Variants in SMARCAL1 observed in about 807,000 individuals in gnomAD.
SMARCAL1 encodes the protein ATP-driven annealing helicase.
Under a neutral mutation model 94.5 loss-of-function variants are expected in SMARCAL1, and 58 were observed. The ratio of observed to expected loss-of-function variants is 0.61; its 90% CI spans 0.50 to 0.76. The LOEUF is 0.76. Ranked by LOEUF, SMARCAL1 falls within the 30% of genes least tolerant of loss-of-function variation. The probability of loss-of-function intolerance (pLI) is 0.00; values close to 1 mark genes in which losing one functional copy is unlikely to be tolerated. For missense variants in SMARCAL1, 1,051 were observed against 1,177.9 expected, an observed-to-expected ratio of 0.89 and a Z score of 1.58; for synonymous variants, 422 against 455.1, an observed-to-expected ratio of 0.93 and a Z score of 0.93.
rs774538893 is a variant in SMARCAL1, at chr2:216,414,865, C to T, written c.161C>T (p.Ser54Phe). 5 of 1,614,200 alleles carry T rather than the reference C, an allele frequency of 3.1e-6. No homozygotes were observed. The South Asian group carries it at 5.5e-5, about 18-fold the overall frequency. ...CCATTCCAGGCCAAGCAAGGCCCAT[C>T]CCAAAATTTCCCAAGGGAGTCTTGT... is the stretch of plus-strand genomic sequence containing the variant. ...GNPFQAKQGP[S>F]QNFPRESCKP... Residue 54 changes from serine to phenylalanine, a missense_variant, in exon 3 of 18, where the codon TCC becomes TTC. Around this residue, in one of 3 missense-constraint regions of SMARCAL1, gnomAD observed 398 missense variants for 395.2 expected, o/e 1.01. Transcript: ENST00000357276.
At chr2:216,453,350 A>G (rs561108989) in intron 12 of SMARCAL1, among the ~76,000 whole-genome samples, 1 of 152,380 alleles carries the variant, frequency 6.6e-6, no homozygotes, top group Non-Finnish European at 1.5e-5. Flanking sequence ...TCAGATAATA[A>G]TTCCTTAAGA....
intron 7 of SMARCAL1, among the ~76,000 whole-genome samples, chr2:216,430,010 C>G (rs965030208): frequency 6.6e-6 from 1 of 152,124 alleles, no homozygotes; most frequent in Non-Finnish European, 1.5e-5. Flanking sequence ...CCCAGCCCCA[C>G]CCCCTGGGCA....
At chr2:216,451,187 C>G in intron 12 of SMARCAL1, 123 bp downstream of exon 12, 1 of 820,464 alleles carries the variant, frequency 1.2e-6, no homozygotes, top group Non-Finnish European at 2.1e-6. Context: ...TTCCCTCTTC[C>G]CTAGGCAAGA....
In SMARCAL1 at chr2:216,434,851, A is replaced by ATTT. The variant is rs11408208; in HGVS notation, c.1486-469_1486-467dup. Among the ~76,000 whole-genome samples, 117 of 117,358 alleles carry ATTT rather than the reference A, an allele frequency of 1.0e-3. 6 individuals carry two copies. Among genetic ancestry groups the ATTT allele is most frequent in the Middle Eastern group, 4.8e-3 (1 of 208 alleles). 77.0% of individuals were successfully genotyped at this position (117,358 alleles called of 152,430 possible). ...CAAAGTGAGACCAACACAACTCTCT[A>ATTT]TTTTTTTTTTTTTTTTTTTTCTGAG... On this transcript the variant is annotated intron_variant, in intron 8 of 17. Transcript: ENST00000357276.
intron 12 of SMARCAL1, among the ~76,000 whole-genome samples, chr2:216,459,461 A>G (rs962537383): frequency 1.3e-5 from 2 of 152,254 alleles, no homozygotes; most frequent in African/African-American, 4.8e-5. Flanking sequence ...TAACCAAAAC[A>G]GCATGGTACT....
intron 7 of SMARCAL1, among the ~76,000 whole-genome samples, chr2:216,430,826 G>A (rs1035939979): frequency 6.6e-6 from 1 of 152,184 alleles, no homozygotes. Context: ...TGTCCTCGCT[G>A]GCCACCAATT....
chr2:216,464,396 C>T (rs139645829), intron 12 of SMARCAL1, among the ~76,000 whole-genome samples: 1 of 152,130 alleles, frequency 6.6e-6, no homozygotes. Flanking sequence ...GCTCTAATGC[C>T]GTCTCTGAGG....
At chr2:216,444,493 G>A (rs1380642772) in intron 10 of SMARCAL1, among the ~76,000 whole-genome samples, 3 of 151,728 alleles carry the variant, frequency 2.0e-5, no homozygotes, top group Admixed American at 2.0e-4. Flanking sequence ...ACATTCTCTT[G>A]GCTCTTAATT....
intron 5 of SMARCAL1, 49 bp from the exon 6 acceptor site, chr2:216,423,584 G>A: frequency 6.9e-7 from 1 of 1,451,886 alleles, no homozygotes; most frequent in Non-Finnish European, 9.7e-7. Flanking sequence ...TGATCACGTA[G>A]CAGAAGGGCA....
intron 6 of SMARCAL1, among the ~76,000 whole-genome samples, chr2:216,426,815 C>T (rs1409298501): frequency 6.6e-6 from 1 of 152,214 alleles, no homozygotes; most frequent in Non-Finnish European, 1.5e-5. Context: ...CACCTCCTTC[C>T]TCACCCCATG....
chr2:216,471,023 T>C (rs1694954804), intron 14 of SMARCAL1, among the ~76,000 whole-genome samples: 1 of 152,078 alleles, frequency 6.6e-6, no homozygotes. Flanking sequence ...ATAGAATACA[T>C]GGCCCTTTAC....
Position 216,475,470 on chromosome 2 carries a change from T to C in SMARCAL1, c.2427+19T>C. ...CCCAGGGGTAAGAGACGCAGAAGAC[T>C]CAGATACTCCCCAGGCATGCTCATG... On this transcript the variant is annotated intron_variant, in intron 15 of 17. Transcript: ENST00000357276. The surrounding 1 kb of genome is among the most constrained non-coding windows in gnomAD (Gnocchi z 4.4). 6.2e-7 allele frequency: 1 copy of C among 1,613,278 alleles called. No individual in the cohort carries two copies. Among genetic ancestry groups the C allele is most frequent in the Non-Finnish European group, 8.5e-7 (1 of 1,179,250 alleles).
intron 12 of SMARCAL1, among the ~76,000 whole-genome samples, chr2:216,461,203 A>G (rs911123277): frequency 2.0e-5 from 3 of 151,998 alleles, no homozygotes; most frequent in Non-Finnish European, 4.4e-5. Flanking sequence ...AATTTCCTAT[A>G]GTGCACATGT....
intron 4 of SMARCAL1, among the ~76,000 whole-genome samples, chr2:216,417,064 G>C (rs539956875): frequency 6.6e-6 from 1 of 152,092 alleles, no homozygotes; most frequent in Non-Finnish European, 1.5e-5. Context: ...TTTCTACACC[G>C]TCTCTTCCTC....
intron 4 of SMARCAL1, among the ~76,000 whole-genome samples, chr2:216,419,848 A>G (rs1693675382): frequency 6.6e-6 from 1 of 151,782 alleles, no homozygotes; most frequent in Admixed American, 6.6e-5. Flanking sequence ...TGGGCAACAT[A>G]GCGAAACCCT....
chr2:216,456,881 T>A lies in SMARCAL1; in HGVS notation c.2070+5817T>A, dbSNP rs140688240. 3.3e-3 allele frequency among the ~76,000 whole-genome samples: 507 copies of A among 152,316 alleles called. 2 individuals are homozygous for A. Among genetic ancestry groups the A allele is most frequent in the African/African-American group, 0.012 (484 of 41,562 alleles). On this transcript the variant is annotated intron_variant, in intron 12 of 17. Transcript: ENST00000357276. ...AATGTAGATGGGCTAAATGCTCCAATTGAAAGACACAGACTGGCAAATTGG... is the reference window on the plus strand; with the variant it reads ...AATGTAGATGGGCTAAATGCTCCAAATGAAAGACACAGACTGGCAAATTGG...
At chr2:216,474,081 C>A (rs1483308347) in intron 14 of SMARCAL1, among the ~76,000 whole-genome samples, 1 of 150,188 alleles carries the variant, frequency 6.7e-6, no homozygotes, top group Non-Finnish European at 1.5e-5. Context: ...AAGGCCCATT[C>A]CAAAAGGTTA....
chr2:216,468,887 A>G (rs902997796), intron 14 of SMARCAL1, among the ~76,000 whole-genome samples: 1 of 151,968 alleles, frequency 6.6e-6, no homozygotes, highest in Non-Finnish European at 1.5e-5. Context: ...TAATTTTTGT[A>G]TTTTTAGTAG....
chr2:216,481,867 T>C (rs1255698379), intron 17 of SMARCAL1, among the ~76,000 whole-genome samples: 4 of 152,102 alleles, frequency 2.6e-5, no homozygotes, highest in Admixed American at 6.6e-5. Context: ...AGTGGAGATA[T>C]GGAAAATATA....
Sources: gnomAD v4.1 joint callset for allele counts (sites outside exome capture counted in the v4.1 genomes callset) on GRCh38, gnomAD v4.1.1 for gene constraint, gnomAD v4.1.1 regional missense constraint, Gnocchi (gnomAD v3.1) non-coding constraint, MANE v1.5 for transcripts, NCBI Gene and HGNC (gene_info 2026-07-23, HGNC 2026-07-21) for gene names.